The following TNFRSF10B variants were observed in gnomAD, a reference collection of about 807,000 sequenced individuals.
TNFRSF10B encodes the protein TNF receptor superfamily member 10b, also known as tumor necrosis factor receptor superfamily member 10B.
TNFRSF10B carries 35 observed loss-of-function variants against 41.4 expected under a neutral mutation model. The observed-to-expected ratio is 0.85, with a 90% confidence interval of 0.65 to 1.12. The LOEUF (loss-of-function observed/expected upper bound fraction) is 1.12, where lower values mean the gene tolerates loss of function less well. Among genes scored for constraint, TNFRSF10B ranks in the 50% most tolerant of loss-of-function variants. The probability of loss-of-function intolerance (pLI) is 0.00; values close to 1 mark genes in which losing one functional copy is unlikely to be tolerated. For missense variants in TNFRSF10B, 584 were observed against 552.7 expected (o/e 1.06, Z -0.57); for synonymous variants, 230 against 215.5 (o/e 1.07, Z -0.59).
intron 7 of TNFRSF10B, among the ~76,000 whole-genome samples, chr8:23,024,735 G>A (rs1811649062): frequency 6.6e-6 from 1 of 152,098 alleles, no homozygotes. Flanking sequence ...GTTTCACCAT[G>A]TTGGCCAGGC....
chr8:23,027,341 G>C, intron 6 of TNFRSF10B, 53 bp from the exon 7 acceptor site: 12 of 1,610,138 alleles, frequency 7.5e-6, no homozygotes, highest in Non-Finnish European at 1.0e-5. Flanking sequence ...CCACACCTAG[G>C]GCTCGCTGCA....
chr8:23,024,136 C>G, intron 8 of TNFRSF10B, 52 bp downstream of exon 8: 1 of 1,607,286 alleles, frequency 6.2e-7, no homozygotes. Flanking sequence ...CAGTTAGGAC[C>G]CTGTCCCTAT....
intron 4 of TNFRSF10B, 48 bp downstream of exon 4, chr8:23,029,562 C>T: frequency 1.9e-6 from 3 of 1,553,550 alleles, no homozygotes; most frequent in Non-Finnish European, 2.6e-6. Flanking sequence ...AGACTTGGGT[C>T]TTTTGGGGTT....
At chr8:23,045,628 C>T (rs574941805) in intron 1 of TNFRSF10B, among the ~76,000 whole-genome samples, 1 of 152,236 alleles carries the variant, frequency 6.6e-6, no homozygotes, top group East Asian at 1.9e-4. Flanking sequence ...GAATAGAACA[C>T]TGTAAGAAAA....
intron 1 of TNFRSF10B, among the ~76,000 whole-genome samples, chr8:23,064,583 A>C (rs1442868089): frequency 6.6e-6 from 1 of 152,142 alleles, no homozygotes; most frequent in Non-Finnish European, 1.5e-5. Flanking sequence ...TTCTTGTCCC[A>C]TTGAATTCTA....
intron 6 of TNFRSF10B, 154 bp from the exon 7 acceptor site, chr8:23,027,442 C>G (rs1252606578): frequency 2.1e-6 from 2 of 961,444 alleles, no homozygotes; most frequent in Non-Finnish European, 3.2e-6. Context: ...CCAGGACCCG[C>G]TGCTGGGGCC....
At position 23,048,437 on chromosome 8, in the gene TNFRSF10B, C is replaced by CAAAA. The variant is rs34985507; in HGVS notation, c.145-5198_145-5195dup. On this transcript the variant is annotated intron_variant, in intron 1 of 8. Transcript: ENST00000276431. ...GGCAACAAAAGTGAAATTTTTGTGT[C>CAAAA]AAAAAAAAAAAAAAAAAAACAACTG... Among the ~76,000 whole-genome samples, 285 of 93,680 alleles carry CAAAA rather than the reference C, an allele frequency of 3.0e-3. 2 individuals are homozygous for CAAAA. The highest frequency in any genetic ancestry group is 9.4e-3 in the African/African-American group (263 of 27,854). The allele number at this position is 93,680 out of a possible 152,430, so 61.5% of individuals were successfully genotyped here.
In TNFRSF10B at chr8:23,022,011, C is replaced by T. The variant is rs758579337; in HGVS notation, c.*660G>A. ...TGGGGGCTCACGCCTCTAATTCCAC[C>T]GCTTTGGGAGTCTGAGGTGGGCAGA... On this transcript the variant is annotated 3_prime_UTR_variant, in exon 9 of 9. Coordinates refer to ENST00000276431, the MANE Select transcript of TNFRSF10B (RefSeq NM_003842.5). The T allele has an allele frequency of 2.0e-5, 9 of 451,426 alleles. No homozygotes were observed. Among genetic ancestry groups the T allele is most frequent in the South Asian group, 4.7e-5 (3 of 64,260 alleles). The allele number at this position is 451,426 out of a possible 1,614,324, so 28.0% of individuals were successfully genotyped here.
At chr8:23,028,019 C>T in intron 5 of TNFRSF10B, 1 of 601,112 alleles carries the variant, frequency 1.7e-6, no homozygotes, top group East Asian at 2.8e-5. Context: ...TTCTCATCCT[C>T]ACCCTTGTCA....
chr8:23,036,926 C>T (rs1209822061), intron 2 of TNFRSF10B, among the ~76,000 whole-genome samples: 1 of 152,150 alleles, frequency 6.6e-6, no homozygotes, highest in African/African-American at 2.4e-5. Context: ...AATGGCTAGA[C>T]ATGTAGTTAT....
rs748667891 is a variant in TNFRSF10B at position 23,028,577 on chromosome 8, C to T, written c.502G>A (p.Gly168Ser). 15 of 1,613,854 alleles carry T rather than the reference C, an allele frequency of 9.3e-6. No homozygotes were observed. Among genetic ancestry groups the T allele is most frequent in the Middle Eastern group, 3.3e-4 (2 of 6,084 alleles). Residue 168 changes from glycine (G) to serine (S), a missense_variant, in exon 5 of 9, where the codon GGT becomes AGT. By Grantham distance (56) the Gly-to-Ser change is moderately conservative (BLOSUM62 0). Coordinates refer to ENST00000276431, the MANE Select transcript of TNFRSF10B (RefSeq NM_003842.5). ...ATGTCACTCCAGGGTGTACAATCAC[C>T]GACCTTGACCATCCCTCTGGGACAC... The part of the protein sequence containing the change: ...TGCPRGMVKV[G>S]DCTPWSDIEC...
At chr8:23,057,935 C>A (rs1304292148) in intron 1 of TNFRSF10B, among the ~76,000 whole-genome samples, 1 of 152,152 alleles carries the variant, frequency 6.6e-6, no homozygotes, top group African/African-American at 2.4e-5. Flanking sequence ...TCCTACTATA[C>A]CTGCATTTTG....
chr8:23,033,001 T>C (rs537419535), intron 2 of TNFRSF10B, among the ~76,000 whole-genome samples: 1 of 152,254 alleles, frequency 6.6e-6, no homozygotes, highest in South Asian at 2.1e-4. Flanking sequence ...GGAACCTCAA[T>C]AAGGTTATTA....
chr8:23,027,835 TG>T (rs1811756057), intron 5 of TNFRSF10B, 82 bp from the exon 6 acceptor site: 1 of 1,564,018 alleles, frequency 6.4e-7, no homozygotes, highest in Non-Finnish European at 8.7e-7. Flanking sequence ...GGCGCAGGGC[TG>T]GGCTGGGGGC....
chr8:23,041,128 A>C (rs543152336), intron 2 of TNFRSF10B, among the ~76,000 whole-genome samples: 17 of 150,020 alleles, frequency 1.1e-4, no homozygotes, highest in Non-Finnish European at 2.4e-4. Flanking sequence ...GCGTGATCTC[A>C]GCTCACTGCA....
chr8:23,041,358 T>C (rs1343027264), intron 2 of TNFRSF10B, among the ~76,000 whole-genome samples: 1 of 151,786 alleles, frequency 6.6e-6, no homozygotes, highest in African/African-American at 2.4e-5. Context: ...CGCCCGGCGT[T>C]ATATGGGAAT....
chr8:23,059,065 T>C (rs1812751529), intron 1 of TNFRSF10B, among the ~76,000 whole-genome samples: 1 of 152,190 alleles, frequency 6.6e-6, no homozygotes, highest in Non-Finnish European at 1.5e-5. Context: ...TTTTATGAAT[T>C]TGACTACATT....
intron 1 of TNFRSF10B, 90 bp downstream of exon 1, chr8:23,068,661 C>A: frequency 6.7e-7 from 1 of 1,497,768 alleles, no homozygotes. Context: ...CGACCCGGGC[C>A]ACGCACCCCC....
chr8:23,044,439 A>G (rs1812295084), intron 1 of TNFRSF10B, among the ~76,000 whole-genome samples: 1 of 152,216 alleles, frequency 6.6e-6, no homozygotes. Flanking sequence ...GTTAATATCT[A>G]AAATATATAA....
Sources: gnomAD v4.1 joint callset for allele counts (sites outside exome capture counted in the v4.1 genomes callset) on GRCh38, gnomAD v4.1.1 for gene constraint, MANE v1.5 for transcripts, NCBI Gene and HGNC (gene_info 2026-07-23, HGNC 2026-07-21) for gene names.